The following ZSCAN25 variants were observed in gnomAD, a reference collection of about 807,000 sequenced individuals.
ZSCAN25 encodes the protein zinc finger and SCAN domain-containing protein 25.
ZSCAN25 carries 27 observed loss-of-function variants against 38.7 expected under a neutral mutation model. The observed-to-expected ratio is 0.70, with a 90% CI of 0.51 to 0.96. The LOEUF (loss-of-function observed/expected upper bound fraction) is 0.96, where lower values mean the gene tolerates loss of function less well. Ranked by LOEUF, ZSCAN25 falls within the 40% of genes least tolerant of loss-of-function variation. The pLI, the probability that ZSCAN25 is intolerant of heterozygous loss-of-function variation, is 0.00. For missense variants in ZSCAN25, 637 were observed against 705.9 expected, an observed-to-expected ratio of 0.90 and a Z score of 1.11; for synonymous variants, 273 against 277.7, an observed-to-expected ratio of 0.98 and a Z score of 0.17.
At chr7:99,688,396 A>T in the ZSCAN25 span, among the ~76,000 whole-genome samples, 1 of 152,214 alleles carries the variant, frequency 6.6e-6, no homozygotes, top group African/African-American at 2.4e-5. Context: ...AACAGACTTT[A>T]AACCAACAAA....
chr7:99,634,213 TC>T (rs1254695034), downstream of ZSCAN25, among the ~76,000 whole-genome samples: 6 of 152,350 alleles, frequency 3.9e-5, no homozygotes, highest in Admixed American at 2.0e-4. Context: ...CTAAGGTCTG[TC>T]CTGGGGAAAT....
the ZSCAN25 span, among the ~76,000 whole-genome samples, chr7:99,687,824 T>C: frequency 1.0e-3 from 152 of 152,294 alleles, 1 homozygote; most frequent in Middle Eastern, 0.041. Context: ...GCTGATCTCT[T>C]GGCAGAAACT....
At position 99,631,121 on chromosome 7, in the gene ZSCAN25, C is replaced by A; in HGVS notation, c.*1101C>A. On this transcript the variant is annotated 3_prime_UTR_variant, in exon 8 of 8. Coordinates refer to ENST00000394152, the MANE Select transcript of ZSCAN25 (RefSeq NM_145115.3). The stretch of plus-strand genomic sequence containing the variant: ...ATGTCTCGTGGATGTACCTGATCTT[C>A]AGAACCCGTGGATATTCCTGCAAAT... 1.0e-6 allele frequency: 1 copy of A among 985,434 alleles called. No individual in the cohort carries two copies. Among genetic ancestry groups the A allele is most frequent in the Non-Finnish European group, 1.2e-6 (1 of 829,936 alleles). 61.0% of individuals were successfully genotyped at this position (985,434 alleles called of 1,614,324 possible).
chr7:99,708,912 A>G, the ZSCAN25 span: 3 of 1,176,878 alleles, frequency 2.5e-6, no homozygotes, highest in Non-Finnish European at 2.5e-6. Context: ...ATGATTTGAA[A>G]AAACCTTTTA....
Position 99,631,971 on chromosome 7 carries a change from G to A in ZSCAN25, c.*1951G>A, listed in dbSNP as rs1275475967. 2 of 985,508 alleles carry A rather than the reference G, an allele frequency of 2.0e-6. No homozygotes were observed. Among genetic ancestry groups the A allele is most frequent in the African/African-American group, 3.5e-5 (2 of 57,366 alleles). 61.0% of individuals were successfully genotyped at this position (985,508 alleles called of 1,614,324 possible). The stretch of plus-strand genomic sequence containing the variant: ...ACTCAGTGGGAGGCTTCTGGCCTGA[G>A]TGTGGCCTTCCCCAGAGGGTGGTTT... On this transcript the variant is annotated 3_prime_UTR_variant, in exon 8 of 8. Transcript: ENST00000394152.
chr7:99,628,282 GT>G lies in ZSCAN25; in HGVS notation c.806-901del, dbSNP rs1321571498. On this transcript the variant is annotated intron_variant, in intron 7 of 7. Transcript: ENST00000394152. ...CAAACCAGGAGGCATATACTGTCAGGTTTTTTTTGTCTTCTAGTCATCTTGC... is the reference window on the plus strand; with the variant it reads ...CAAACCAGGAGGCATATACTGTCAGGTTTTTTTGTCTTCTAGTCATCTTGC... Among the ~76,000 whole-genome samples, 3 of 152,078 alleles carry G rather than the reference GT, an allele frequency of 2.0e-5. No individual in the cohort carries two copies. In the South Asian group the frequency reaches 6.2e-4, roughly 32 times the overall value.
Position 99,629,449 on chromosome 7 carries a change from A to G in ZSCAN25, c.1064A>G (p.Lys355Arg). The G allele has an allele frequency of 6.2e-7, 1 of 1,614,224 alleles. No homozygotes were observed. Among genetic ancestry groups the G allele is most frequent in the Non-Finnish European group, 8.5e-7 (1 of 1,180,034 alleles). Residue 355 changes from lysine (K) to arginine (R), a missense_variant, in exon 8 of 8, where the codon AAA (lysine) becomes AGA (arginine). By Grantham distance (26) the Lys-to-Arg change is conservative (BLOSUM62 2). Coordinates refer to ENST00000394152, the MANE Select transcript of ZSCAN25 (RefSeq NM_145115.3). This position sits in a 1 kb window ranked among gnomAD's most constrained non-coding sequence, Gnocchi z 5.6. ...WKPFQCPECG[K>R]GFSRSSNLVR... The stretch of plus-strand genomic sequence containing the variant: ...CCTTTCCAGTGCCCTGAGTGTGGGA[A>G]AGGATTCAGTCGGAGCTCCAATCTC...
At chr7:99,708,380 T>C in the ZSCAN25 span, among the ~76,000 whole-genome samples, 4 of 152,186 alleles carry the variant, frequency 2.6e-5, no homozygotes, top group East Asian at 7.7e-4. Context: ...CTTGCACTAC[T>C]TCAAAATTGT....
At chr7:99,712,555 G>C in the ZSCAN25 span, among the ~76,000 whole-genome samples, 1 of 152,194 alleles carries the variant, frequency 6.6e-6, no homozygotes, top group Admixed American at 6.5e-5. Flanking sequence ...AAAACAGTAG[G>C]CTATTTCCTT....
At chr7:99,672,890 A>G in the ZSCAN25 span, 1 of 1,375,226 alleles carries the variant, frequency 7.3e-7, no homozygotes, top group Non-Finnish European at 9.4e-7. Context: ...GATGAAGGGT[A>G]ATGTGGTCCA....
the ZSCAN25 span, among the ~76,000 whole-genome samples, chr7:99,667,390 C>A: frequency 6.6e-6 from 1 of 152,162 alleles, no homozygotes; most frequent in Admixed American, 6.5e-5. Flanking sequence ...CCTAGCCCTT[C>A]CCCAGGAGTG....
At chr7:99,634,648 T>G (rs1455377705), downstream of ZSCAN25, among the ~76,000 whole-genome samples, 1 of 152,104 alleles carries the variant, frequency 6.6e-6, no homozygotes, top group Non-Finnish European at 1.5e-5. Context: ...AAAAACAAAA[T>G]TAGCTGGGCA....
chr7:99,627,748 A>ATCGTATATGCTGTATACGTATATC (rs1554410321), intron 7 of ZSCAN25, among the ~76,000 whole-genome samples: 2 of 150,842 alleles, frequency 1.3e-5, no homozygotes, highest in Non-Finnish European at 2.9e-5. Context: ...GTATACGTAT[A>ATCGTATATGCTGTATACGTATATC]TCGTATATGC....
the ZSCAN25 span, among the ~76,000 whole-genome samples, chr7:99,725,899 C>T: frequency 6.6e-6 from 1 of 152,198 alleles, no homozygotes; most frequent in Admixed American, 6.5e-5. Context: ...CCCTTGCCCC[C>T]ATAACTGTTG....
the ZSCAN25 span, among the ~76,000 whole-genome samples, chr7:99,646,797 TACACACACACACACACAC>T: frequency 1.1e-3 from 153 of 142,170 alleles, 2 homozygotes; most frequent in Non-Finnish European, 1.3e-3. Flanking sequence ...ATATGTTTTA[TACACACACACACACACAC>T]ACACACACAC....
chr7:99,685,418 T>TTCATA, the ZSCAN25 span, among the ~76,000 whole-genome samples: 1 of 152,264 alleles, frequency 6.6e-6, no homozygotes, highest in South Asian at 2.1e-4. Flanking sequence ...TGAGGAGGAT[T>TTCATA]TCATATCAGT....
At chr7:99,680,691 A>T in the ZSCAN25 span, among the ~76,000 whole-genome samples, 9,092 of 152,248 alleles carry the variant, frequency 0.06, 551 homozygotes, top group East Asian at 0.25. Context: ...TGGTGATAGC[A>T]ATAGACTAAT....
the ZSCAN25 span, chr7:99,709,216 T>A: frequency 1.2e-6 from 2 of 1,613,934 alleles, no homozygotes; most frequent in Non-Finnish European, 1.7e-6. Flanking sequence ...TTCACCACCA[T>A]GTCAAGATAC....
At chr7:99,648,664 GT>G in the ZSCAN25 span, among the ~76,000 whole-genome samples, 4,503 of 141,306 alleles carry the variant, frequency 0.032, 208 homozygotes, top group African/African-American at 0.1. Context: ...GTGGACTCGT[GT>G]TTTTTTTTTT....
Sources: allele counts gnomAD v4.1 joint callset (sites outside exome capture counted in the v4.1 genomes callset), GRCh38; gene constraint gnomAD v4.1.1; non-coding constraint Gnocchi (gnomAD v3.1); transcripts MANE v1.5; gene names NCBI Gene and HGNC (gene_info 2026-07-23, HGNC 2026-07-21).